SMARCAL1: variants seen among roughly 807,000 people sequenced by gnomAD.
The protein encoded by SMARCAL1 is ATP-driven annealing helicase.
Under a neutral mutation model 94.5 loss-of-function variants are expected in SMARCAL1, and 58 were observed. The ratio of observed to expected loss-of-function variants is 0.61; its 90% CI spans 0.50 to 0.76. The LOEUF is 0.76. Among genes scored for constraint, SMARCAL1 ranks in the 30% least tolerant of loss-of-function variants. The probability of loss-of-function intolerance (pLI) is 0.00; values close to 1 mark genes in which losing one functional copy is unlikely to be tolerated. For synonymous variants in SMARCAL1, 422 were observed against 455.1 expected (o/e 0.93, Z 0.93); for missense variants, 1,051 against 1,177.9 (o/e 0.89, Z 1.58).
chr2:216,417,125 C>T (rs1332856911), intron 4 of SMARCAL1, among the ~76,000 whole-genome samples: 1 of 152,208 alleles, frequency 6.6e-6, no homozygotes, highest in East Asian at 1.9e-4. Flanking sequence ...GGTCACTTTG[C>T]AGATTTGGGG....
intron 11 of SMARCAL1, among the ~76,000 whole-genome samples, chr2:216,449,343 G>A (rs565355165): frequency 1.3e-5 from 2 of 151,552 alleles, no homozygotes; most frequent in South Asian, 2.1e-4. Flanking sequence ...TCTCAGCATG[G>A]TTTTTATTTA....
chr2:216,479,572 G>GAAA (rs201063821), intron 17 of SMARCAL1, among the ~76,000 whole-genome samples: 127 of 115,284 alleles, frequency 1.1e-3, no homozygotes, highest in Non-Finnish European at 7.3e-4. Context: ...TTCTTTGCAA[G>GAAA]GATTTATTTG....
intron 4 of SMARCAL1, among the ~76,000 whole-genome samples, chr2:216,417,306 G>C (rs1214348041): frequency 2.6e-5 from 4 of 152,170 alleles, no homozygotes; most frequent in Non-Finnish European, 5.9e-5. Context: ...TTGTTAGTTT[G>C]CGAGGGCTGC....
chr2:216,440,677 G>T (rs1431128786), intron 10 of SMARCAL1, among the ~76,000 whole-genome samples: 1 of 152,156 alleles, frequency 6.6e-6, no homozygotes, highest in Non-Finnish European at 1.5e-5. Context: ...GGAGCATTCT[G>T]TGCTATTCTG....
rs555899413 is a variant in SMARCAL1 at position 216,481,586 on chromosome 2, C to T, written c.2626-1152C>T. ...TGGCGTGATGATGGCTCACTGCAAC[C>T]TCTGCCTTGTGGGTTCAAGCGATTC... is the stretch of plus-strand genomic sequence containing the variant. On this transcript the variant is annotated intron_variant, in intron 17 of 17. Transcript: ENST00000357276. 8.5e-5 allele frequency among the ~76,000 whole-genome samples: 13 copies of T among 152,216 alleles called. No homozygotes were observed. The South Asian group carries it at 2.7e-3, about 32-fold the overall frequency.
At chr2:216,430,291 G>T (rs1693935745) in intron 7 of SMARCAL1, among the ~76,000 whole-genome samples, 1 of 152,154 alleles carries the variant, frequency 6.6e-6, no homozygotes, top group Admixed American at 6.5e-5. Context: ...TCTATGTTTT[G>T]TTTTGTTTTC....
At chr2:216,428,831 A>C (rs1326616425) in intron 7 of SMARCAL1, 49 bp downstream of exon 7, 1 of 1,512,190 alleles carries the variant, frequency 6.6e-7, no homozygotes, top group Non-Finnish European at 9.2e-7. Flanking sequence ...AAATTTCATT[A>C]CTCACCACAG....
At chr2:216,464,487 T>C in intron 12 of SMARCAL1, 110 bp from the exon 13 acceptor site, 3 of 846,786 alleles carry the variant, frequency 3.5e-6, no homozygotes, top group Non-Finnish European at 6.2e-6. Flanking sequence ...CTCCTGACTC[T>C]GGTGACGGGT....
intron 4 of SMARCAL1, among the ~76,000 whole-genome samples, chr2:216,418,356 T>C (rs1693649880): frequency 6.6e-6 from 1 of 152,250 alleles, no homozygotes; most frequent in Non-Finnish European, 1.5e-5. Context: ...ATTTTTCTAA[T>C]TGTTTGGCTC....
chr2:216,478,059 TG>T lies in SMARCAL1; in HGVS notation c.2529-141del, dbSNP rs533305840. Reference sequence around the variant, plus strand: ...ATGAGAGGGGGCAAATTTTTCAAGATGGGTGTTTGCACCTTGAGAGATGCAG... The same window carrying T: ...ATGAGAGGGGGCAAATTTTTCAAGATGGTGTTTGCACCTTGAGAGATGCAG... On this transcript the variant is annotated intron_variant, in intron 16 of 17. Coordinates refer to ENST00000357276, the MANE Select transcript of SMARCAL1 (RefSeq NM_014140.4). The T allele has an allele frequency of 4.1e-3, 3,145 of 758,996 alleles. 5 individuals carry two copies. The highest frequency in any genetic ancestry group is 5.8e-3 in the Non-Finnish European group (2,455 of 421,252). The allele number at this position is 758,996 out of a possible 1,614,324, so 47.0% of individuals were successfully genotyped here.
chr2:216,424,246 G>T (rs1295554516), intron 6 of SMARCAL1, among the ~76,000 whole-genome samples: 1 of 152,202 alleles, frequency 6.6e-6, no homozygotes, highest in African/African-American at 2.4e-5. Flanking sequence ...TGCAAGAAGA[G>T]GAAGCCATTT....
intron 4 of SMARCAL1, among the ~76,000 whole-genome samples, chr2:216,418,134 G>T (rs1489545003): frequency 6.6e-6 from 1 of 152,042 alleles, no homozygotes; most frequent in Non-Finnish European, 1.5e-5. Context: ...GGCCAGGCTG[G>T]TCTTGAACCC....
chr2:216,473,896 T>C (rs1441554923), intron 14 of SMARCAL1, among the ~76,000 whole-genome samples: 3 of 152,134 alleles, frequency 2.0e-5, no homozygotes, highest in Non-Finnish European at 4.4e-5. Flanking sequence ...ACACACATGT[T>C]CATAGCAGCT....
At chr2:216,426,563 C>CT (rs1195816058) in intron 6 of SMARCAL1, among the ~76,000 whole-genome samples, 1 of 152,082 alleles carries the variant, frequency 6.6e-6, no homozygotes, top group Non-Finnish European at 1.5e-5. Flanking sequence ...GAAGATAAGA[C>CT]TGAGAAAAGG....
At position 216,428,598 on chromosome 2, in the gene SMARCAL1, G is replaced by A. The variant is rs375414504; in HGVS notation, c.1150G>A (p.Ala384Thr). The A allele has an allele frequency of 1.2e-6, 2 of 1,613,482 alleles. No individual in the cohort carries two copies. Among genetic ancestry groups the A allele is most frequent in the Non-Finnish European group, 1.7e-6 (2 of 1,180,008 alleles). The stretch of plus-strand genomic sequence containing the variant: ...TATGCTTCTGTTCTTCTTTTCAGTT[G>A]CAAAGGTGCGCTGCCTCCCACAAGT... ...FLLEEHSKLI[A>T]KVRCLPQVQL... The change falls in exon 7 of 18, where the codon GCA (alanine) becomes ACA (threonine). Residue 384 changes from alanine (A) to threonine (T), a missense_variant and splice_region_variant. Physicochemically the swap from Ala to Thr is moderately conservative, Grantham distance 58 (BLOSUM62 0). Coordinates refer to ENST00000357276, the MANE Select transcript of SMARCAL1 (RefSeq NM_014140.4).
At chr2:216,461,280 AAAAG>A (rs1694694916) in intron 12 of SMARCAL1, among the ~76,000 whole-genome samples, 1 of 152,270 alleles carries the variant, frequency 6.6e-6, no homozygotes, top group East Asian at 1.9e-4. Context: ...AATTTAAAAA[AAAAG>A]AATCATCTTT....
intron 9 of SMARCAL1, among the ~76,000 whole-genome samples, chr2:216,436,499 A>G (rs545671978): frequency 1.3e-5 from 2 of 152,308 alleles, no homozygotes; most frequent in South Asian, 4.1e-4. Flanking sequence ...ACCTCAGGGG[A>G]TCTATTATTC....
intron 14 of SMARCAL1, among the ~76,000 whole-genome samples, chr2:216,469,351 G>T (rs1239503847): frequency 7.4e-6 from 1 of 134,836 alleles, no homozygotes. Context: ...GCACGACCTT[G>T]GCTCACTGCA....
In SMARCAL1 at chr2:216,420,276, G is replaced by A. The variant is rs770907951; in HGVS notation, c.863-23G>A. 31 of 1,590,062 alleles carry A rather than the reference G, an allele frequency of 1.9e-5. No individual in the cohort carries two copies. The Admixed American group carries it at 5.2e-4, about 27-fold the overall frequency. Reference sequence around the variant, plus strand: ...CATAGTCCCCTGCTTTATCACTTCTGTTCGATTCTTCTTCTTTGGCAGTGA... The same window carrying A: ...CATAGTCCCCTGCTTTATCACTTCTATTCGATTCTTCTTCTTTGGCAGTGA... On this transcript the variant is annotated intron_variant, in intron 4 of 17. Coordinates refer to ENST00000357276, the MANE Select transcript of SMARCAL1 (RefSeq NM_014140.4).
Sources: gnomAD v4.1 joint callset for allele counts (sites outside exome capture counted in the v4.1 genomes callset) on GRCh38, gnomAD v4.1.1 for gene constraint, MANE v1.5 for transcripts, NCBI Gene and HGNC (gene_info 2026-07-23, HGNC 2026-07-21) for gene names.